The following IQGAP2 variants were observed in gnomAD, a reference collection of about 807,000 sequenced individuals.
The protein encoded by IQGAP2 is IQ motif containing GTPase activating protein 2.
Under a neutral mutation model 201.3 loss-of-function variants are expected in IQGAP2, and 173 were observed. That is an observed-to-expected ratio of 0.86 (90% confidence interval 0.76 to 0.98). The LOEUF is 0.98. Among genes scored for constraint, IQGAP2 ranks in the 50% least tolerant of loss-of-function variants. The pLI is 0.00. For missense variants in IQGAP2, 1,687 were observed against 1,864.8 expected (o/e 0.90, Z 1.76); for synonymous variants, 675 against 673.9 (o/e 1.00, Z -0.03).
intron 12 of IQGAP2, among the ~76,000 whole-genome samples, chr5:76,610,114 ATTTTTTTTTTT>A (rs34917876): frequency 7.3e-3 from 72 of 9,844 alleles, no homozygotes; most frequent in African/African-American, 0.031. Context: ...ATATATATAT[ATTTTTTTTTTT>A]TTTTTTTTTT....
At chr5:76,526,898 T>A (rs1436125791) in intron 2 of IQGAP2, among the ~76,000 whole-genome samples, 2 of 152,258 alleles carry the variant, frequency 1.3e-5, no homozygotes, top group Non-Finnish European at 2.9e-5. Flanking sequence ...CATGTACCTA[T>A]AGGCCATAAG....
chr5:76,635,135 AT>A (rs748561741), intron 15 of IQGAP2, among the ~76,000 whole-genome samples: 19 of 152,228 alleles, frequency 1.2e-4, no homozygotes, highest in Non-Finnish European at 2.1e-4. Flanking sequence ...TTGGGAAAGA[AT>A]TACATAATTG....
chr5:76,690,363 G>A (rs1047389432), intron 30 of IQGAP2, among the ~76,000 whole-genome samples: 2 of 152,218 alleles, frequency 1.3e-5, no homozygotes, highest in African/African-American at 2.4e-5. Context: ...TTCTCTATAG[G>A]TTTTTCAGGA....
chr5:76,496,152 G>A (rs1032774204), intron 2 of IQGAP2, among the ~76,000 whole-genome samples: 3 of 152,140 alleles, frequency 2.0e-5, no homozygotes, highest in Non-Finnish European at 2.9e-5. Context: ...GAATGACTAC[G>A]GTAATGATAT....
At chr5:76,444,683 TTAACC>T (rs1561376252) in intron 1 of IQGAP2, among the ~76,000 whole-genome samples, 1 of 152,216 alleles carries the variant, frequency 6.6e-6, no homozygotes, top group Non-Finnish European at 1.5e-5. Flanking sequence ...TCCCTACACT[TTAACC>T]TAATCTTAAG....
intron 2 of IQGAP2, among the ~76,000 whole-genome samples, chr5:76,557,909 C>A (rs1283999811): frequency 6.6e-6 from 1 of 152,054 alleles, no homozygotes; most frequent in Non-Finnish European, 1.5e-5. Context: ...CAGATTCAAG[C>A]GATTCTCCTG....
chr5:76,569,402 T>C (rs1164465304), intron 3 of IQGAP2, among the ~76,000 whole-genome samples: 3 of 151,492 alleles, frequency 2.0e-5, no homozygotes, highest in African/African-American at 7.3e-5. Flanking sequence ...CCAGTTTGAG[T>C]CTATTAAAAT....
intron 5 of IQGAP2, among the ~76,000 whole-genome samples, chr5:76,578,730 C>T (rs184087320): frequency 1.3e-4 from 20 of 152,156 alleles, no homozygotes; most frequent in African/African-American, 4.6e-4. Flanking sequence ...AGCTAAAATA[C>T]CCACTATCTC....
At chr5:76,491,343 T>C (rs967102394) in intron 2 of IQGAP2, among the ~76,000 whole-genome samples, 1 of 152,218 alleles carries the variant, frequency 6.6e-6, no homozygotes, top group Non-Finnish European at 1.5e-5. Flanking sequence ...TTTAATTAAA[T>C]AATGTGAAAA....
chr5:76,599,263 A>G (rs1265998557), intron 10 of IQGAP2, among the ~76,000 whole-genome samples: 1 of 152,162 alleles, frequency 6.6e-6, no homozygotes, highest in Non-Finnish European at 1.5e-5. Context: ...CCTAAATAGA[A>G]ATATAGTATT....
In IQGAP2 at chr5:76,627,466, T is replaced by G. The variant is rs1750347613; in HGVS notation, c.1578T>G (p.Asp526Glu). The G allele has an allele frequency of 6.2e-7, 1 of 1,600,280 alleles. No homozygotes were observed. Residue 526 changes from aspartate to glutamate, a missense_variant, in exon 14 of 36, where the codon GAT (aspartate) becomes GAG (glutamate). Coordinates refer to ENST00000274364, the MANE Select transcript of IQGAP2 (RefSeq NM_006633.5). ...LWLDEIQQAV[D>E]DANVDKDRAK... The stretch of plus-strand genomic sequence containing the variant: ...TGGATGAGATACAGCAAGCCGTCGA[T>G]GATGCCAACGTGGACAAGGACAGAG...
At chr5:76,543,415 A>C (rs1268486637) in intron 2 of IQGAP2, among the ~76,000 whole-genome samples, 1 of 152,154 alleles carries the variant, frequency 6.6e-6, no homozygotes, top group African/African-American at 2.4e-5. Context: ...AGGGACGTAA[A>C]TGTGCAAGCG....
intron 2 of IQGAP2, among the ~76,000 whole-genome samples, chr5:76,489,438 C>T (rs1225822987): frequency 2.6e-5 from 4 of 152,040 alleles, no homozygotes; most frequent in African/African-American, 7.2e-5. Context: ...ACCTCTTCTA[C>T]ATGCAGTCTT....
intron 1 of IQGAP2, among the ~76,000 whole-genome samples, chr5:76,456,000 A>G (rs1754060993): frequency 1.3e-5 from 2 of 152,200 alleles, no homozygotes; most frequent in African/African-American, 2.4e-5. Context: ...CAGGCTTTCC[A>G]TAAAGTTCCC....
chr5:76,581,888 T>G (rs1393367170), intron 5 of IQGAP2, among the ~76,000 whole-genome samples: 1 of 152,208 alleles, frequency 6.6e-6, no homozygotes, highest in Non-Finnish European at 1.5e-5. Context: ...TTCTTGGCAT[T>G]GGAAAAAGTA....
At chr5:76,512,549 G>C (rs1758034236) in intron 2 of IQGAP2, among the ~76,000 whole-genome samples, 1 of 152,196 alleles carries the variant, frequency 6.6e-6, no homozygotes, top group Non-Finnish European at 1.5e-5. Flanking sequence ...ACTCTGAAGT[G>C]TGATACTATC....
At chr5:76,550,681 G>T (rs147338972) in intron 2 of IQGAP2, among the ~76,000 whole-genome samples, 3 of 152,156 alleles carry the variant, frequency 2.0e-5, no homozygotes, top group Non-Finnish European at 4.4e-5. Context: ...TAGGGTCACC[G>T]ATCAACAGGA....
intron 19 of IQGAP2, among the ~76,000 whole-genome samples, 156 bp downstream of exon 19, chr5:76,654,427 T>TAG (rs1213316808): frequency 2.0e-5 from 3 of 152,228 alleles, no homozygotes; most frequent in Admixed American, 6.5e-5. Context: ...TTTGGAGGCT[T>TAG]ACTGTTTTCA....
At chr5:76,612,617 A>G (rs1469998767) in intron 13 of IQGAP2, among the ~76,000 whole-genome samples, 2 of 152,196 alleles carry the variant, frequency 1.3e-5, no homozygotes, top group Non-Finnish European at 2.9e-5. Flanking sequence ...ATTAAGGCAG[A>G]TGGGAAAAGA....
Sources: allele counts gnomAD v4.1 joint callset (sites outside exome capture counted in the v4.1 genomes callset), GRCh38; gene constraint gnomAD v4.1.1; transcripts MANE v1.5; gene names NCBI Gene and HGNC (gene_info 2026-07-23, HGNC 2026-07-21).